CDK17: variants seen among roughly 807,000 people sequenced by gnomAD.
CDK17 encodes the protein cyclin-dependent kinase 17.
Under a neutral mutation model 77.6 loss-of-function variants are expected in CDK17, and 24 were observed. That is an observed-to-expected ratio of 0.31 (90% CI 0.22 to 0.44). The LOEUF is 0.44. Ranked by LOEUF, CDK17 falls within the 20% of genes least tolerant of loss-of-function variation. The pLI, the probability that CDK17 is intolerant of heterozygous loss-of-function variation, is 1.00. For synonymous variants in CDK17, 203 were observed against 210.4 expected (o/e 0.96, Z 0.30); for missense variants, 429 against 622.5 (o/e 0.69, Z 3.31).
chr12:96,312,665 ATT>A (rs946120702), intron 4 of CDK17, among the ~76,000 whole-genome samples: 1 of 151,214 alleles, frequency 6.6e-6, no homozygotes, highest in Non-Finnish European at 1.5e-5. Context: ...AACATGTTCA[ATT>A]TTTTTTTGCA....
At chr12:96,347,651 G>GGGGAGGGGAAA in intron 1 of CDK17, among the ~76,000 whole-genome samples, 1 of 138,966 alleles carries the variant, frequency 7.2e-6, no homozygotes, top group Non-Finnish European at 1.6e-5. Flanking sequence ...GGGAGGGGAA[G>GGGGAGGGGAAA]GGGAGGAAAG....
At chr12:96,387,754 C>CA (rs1237606239) in intron 1 of CDK17, among the ~76,000 whole-genome samples, 1 of 152,016 alleles carries the variant, frequency 6.6e-6, no homozygotes, top group Non-Finnish European at 1.5e-5. Flanking sequence ...CTAGCCTGGG[C>CA]AACATAGTGA....
chr12:96,282,662 TG>T, intron 14 of CDK17, 63 bp from the exon 15 acceptor site: 1 of 1,020,638 alleles, frequency 9.8e-7, no homozygotes. Context: ...AAGTAGGAGA[TG>T]GGCAAATTAG....
intron 1 of CDK17, among the ~76,000 whole-genome samples, chr12:96,391,013 G>C (rs1954058818): frequency 1.3e-5 from 2 of 151,566 alleles, no homozygotes; most frequent in South Asian, 4.2e-4. Flanking sequence ...ACTGAACCCG[G>C]GAGGTGGAGG....
chr12:96,387,561 G>C (rs1953995428), intron 1 of CDK17, among the ~76,000 whole-genome samples: 1 of 152,118 alleles, frequency 6.6e-6, no homozygotes, highest in African/African-American at 2.4e-5. Flanking sequence ...AAGCATCCAG[G>C]CAGATTTTAT....
chr12:96,316,364 C>A (rs1189447008), intron 3 of CDK17, among the ~76,000 whole-genome samples: 6,494 of 148,850 alleles, frequency 0.044, 186 homozygotes, highest in East Asian at 0.11. Context: ...CGCAAGGCGG[C>A]AGCGAGGCTG....
intron 6 of CDK17, among the ~76,000 whole-genome samples, chr12:96,299,584 T>C (rs1952467479): frequency 6.6e-6 from 1 of 151,958 alleles, no homozygotes; most frequent in Admixed American, 6.6e-5. Flanking sequence ...ACAGACGGGG[T>C]TTCACCATGT....
intron 1 of CDK17, among the ~76,000 whole-genome samples, chr12:96,359,497 C>T (rs992319731): frequency 2.6e-5 from 4 of 152,198 alleles, no homozygotes; most frequent in South Asian, 4.1e-4. Flanking sequence ...TCTATACAAA[C>T]TCACTCAAAG....
At chr12:96,367,464 T>C (rs1953606897) in intron 1 of CDK17, among the ~76,000 whole-genome samples, 2 of 151,614 alleles carry the variant, frequency 1.3e-5, no homozygotes, top group East Asian at 3.9e-4. Context: ...AATTTGTTAC[T>C]AACAGTCGAA....
At chr12:96,304,672 A>G (rs1952554312) in intron 5 of CDK17, among the ~76,000 whole-genome samples, 1 of 152,246 alleles carries the variant, frequency 6.6e-6, no homozygotes. Flanking sequence ...GCAGGGGGAA[A>G]GACTGAGAAT....
At chr12:96,329,265 C>G (rs1334812252) in intron 2 of CDK17, among the ~76,000 whole-genome samples, 1 of 152,040 alleles carries the variant, frequency 6.6e-6, no homozygotes, top group Non-Finnish European at 1.5e-5. Context: ...TGCTGCTGAA[C>G]TGTATACTAT....
intron 2 of CDK17, among the ~76,000 whole-genome samples, chr12:96,324,425 A>AT (rs1213308969): frequency 2.0e-5 from 3 of 152,218 alleles, no homozygotes; most frequent in Middle Eastern, 3.4e-3. Context: ...GTATCTCAAG[A>AT]TTGTTTCCAT....
intron 3 of CDK17, 152 bp downstream of exon 3, chr12:96,323,796 G>C: frequency 1.9e-6 from 1 of 514,880 alleles, no homozygotes; most frequent in Non-Finnish European, 3.3e-6. Flanking sequence ...TACCTCTCTA[G>C]AACTTTCCAT....
intron 1 of CDK17, among the ~76,000 whole-genome samples, chr12:96,376,970 A>G (rs1190229165): frequency 2.0e-5 from 3 of 152,232 alleles, no homozygotes; most frequent in Non-Finnish European, 4.4e-5. Context: ...GTTTCCATTT[A>G]CTATAATAAT....
Position 96,355,974 on chromosome 12 carries a change from G to A in CDK17, c.-29-21109C>T, listed in dbSNP as rs374419264. Among the ~76,000 whole-genome samples the A allele has an allele frequency of 1.1e-4, 16 of 152,152 alleles. No individual in the cohort carries two copies. In the East Asian group the frequency reaches 2.3e-3, roughly 22 times the overall value. ...TTCTGATCACTGTCTCACACAAACTGCTGTGCTTAGGTTTTCTCCTATATA... is the reference window on the plus strand; with the variant it reads ...TTCTGATCACTGTCTCACACAAACTACTGTGCTTAGGTTTTCTCCTATATA... On this transcript the variant is annotated intron_variant, in intron 1 of 16. Coordinates refer to ENST00000261211, the MANE Select transcript of CDK17 (RefSeq NM_002595.5).
intron 1 of CDK17, among the ~76,000 whole-genome samples, chr12:96,391,962 C>T (rs1333174670): frequency 6.6e-6 from 1 of 152,128 alleles, no homozygotes; most frequent in African/African-American, 2.4e-5. Context: ...CCTACTCTGA[C>T]CTTAATTTAC....
intron 1 of CDK17, among the ~76,000 whole-genome samples, chr12:96,395,452 T>A (rs1254539929): frequency 1.3e-5 from 2 of 152,216 alleles, no homozygotes; most frequent in Non-Finnish European, 2.9e-5. Flanking sequence ...CAGAGGTCGG[T>A]CCCTGGAAAC....
intron 1 of CDK17, among the ~76,000 whole-genome samples, chr12:96,388,618 C>G (rs1039110296): frequency 6.6e-6 from 1 of 152,152 alleles, no homozygotes; most frequent in Admixed American, 6.5e-5. Context: ...AATTTTATTA[C>G]CACTACCAAT....
At chr12:96,301,253 A>C (rs1952497867) in intron 5 of CDK17, among the ~76,000 whole-genome samples, 1 of 148,322 alleles carries the variant, frequency 6.7e-6, no homozygotes, top group Non-Finnish European at 1.5e-5. Flanking sequence ...AAAAAAAAAA[A>C]AAAAAACAAA....
Sources: gnomAD v4.1 joint callset for allele counts (sites outside exome capture counted in the v4.1 genomes callset) on GRCh38, gnomAD v4.1.1 for gene constraint, MANE v1.5 for transcripts, NCBI Gene and HGNC (gene_info 2026-07-23, HGNC 2026-07-21) for gene names.